The following ASTN2 variants were observed in gnomAD, a reference collection of about 807,000 sequenced individuals.
ASTN2 encodes the protein astrotactin 2.
In ASTN2, 54 loss-of-function variants were observed where a neutral mutation model predicts 139.8. The observed-to-expected ratio is 0.39, with a 90% CI of 0.31 to 0.48. The LOEUF is 0.48. Among genes scored for constraint, ASTN2 ranks in the 20% least tolerant of loss-of-function variants. The pLI is 0.95. For synonymous variants in ASTN2, 756 were observed against 719.5 expected, an observed-to-expected ratio of 1.05 and a Z score of -0.81; for missense variants, 1,565 against 1,725.1, an observed-to-expected ratio of 0.91 and a Z score of 1.64.
intron 3 of ASTN2, among the ~76,000 whole-genome samples, chr9:117,148,363 T>C (rs1279309800): frequency 6.6e-6 from 1 of 152,040 alleles, no homozygotes; most frequent in Non-Finnish European, 1.5e-5. Context: ...CAAGAAAGAG[T>C]AGTCATTACT....
rs74416447 is a variant in ASTN2 at position 117,329,293 on chromosome 9, T to C, written c.443-37780A>G. Among the ~76,000 whole-genome samples the C allele has an allele frequency of 9.6e-3, 1,451 of 150,810 alleles. 24 individuals carry two copies. Among genetic ancestry groups the C allele is most frequent in the African/African-American group, 0.034 (1,379 of 41,032 alleles). On this transcript the variant is annotated intron_variant, in intron 1 of 22. Transcript: ENST00000313400. Reference sequence around the variant, plus strand: ...TTTGAAAACACAGGTATGAGGTAGATACCATTCCTTGTTCCTTGTCCACTT... The same window carrying C: ...TTTGAAAACACAGGTATGAGGTAGACACCATTCCTTGTTCCTTGTCCACTT...
At chr9:117,095,353 C>A (rs1828814503) in intron 5 of ASTN2, among the ~76,000 whole-genome samples, 1 of 152,210 alleles carries the variant, frequency 6.6e-6, no homozygotes, top group Non-Finnish European at 1.5e-5. Context: ...AACGATGGAT[C>A]TTGGCCACAG....
intron 2 of ASTN2, among the ~76,000 whole-genome samples, chr9:117,263,270 C>T (rs1833867520): frequency 6.6e-6 from 1 of 152,054 alleles, no homozygotes; most frequent in African/African-American, 2.4e-5. Context: ...ATGAAACCTA[C>T]CCAGAGGAAA....
At chr9:116,618,679 G>A (rs561527880) in intron 18 of ASTN2, among the ~76,000 whole-genome samples, 13 of 152,162 alleles carry the variant, frequency 8.5e-5, no homozygotes, top group Non-Finnish European at 1.8e-4. Context: ...GAGACAAGGA[G>A]CCACCTTTCA....
rs1216882884 is a variant in ASTN2, at chr9:116,632,150, G to GAGAGAC, written c.3073-11708_3073-11707insGTCTCT. ...AAGAAGAGAGAGAGAGAGAGAGAGA[G>GAGAGAC]AGAGAGACAGAGAGAGAGAGAGAGA... On this transcript the variant is annotated intron_variant, in intron 17 of 22. Transcript: ENST00000313400. Among the ~76,000 whole-genome samples the GAGAGAC allele has an allele frequency of 1.2e-3, 89 of 75,588 alleles. 2 individuals carry two copies. The highest frequency in any genetic ancestry group is 7.9e-4 in the Non-Finnish European group (32 of 40,506). The allele number at this position is 75,588 out of a possible 152,430, so 49.6% of individuals were successfully genotyped here.
Position 116,426,103 on chromosome 9 carries a change from G to A in ASTN2, c.3783-15C>T, listed in dbSNP as rs777284578. 4.3e-6 allele frequency: 7 copies of A among 1,610,702 alleles called. No homozygotes were observed. The South Asian group carries it at 4.4e-5, about 10-fold the overall frequency. ...GGTGGGCCTTCCTGAAAGGTAGGAT[G>A]AGACAGCCATGATTAAAGAAGTCCA... On this transcript the variant is annotated splice_polypyrimidine_tract_variant and intron_variant, in intron 22 of 22. Coordinates refer to ENST00000313400, the MANE Select transcript of ASTN2 (RefSeq NM_001365068.1).
chr9:117,183,192 C>A (rs946902622), intron 3 of ASTN2, among the ~76,000 whole-genome samples: 5 of 152,094 alleles, frequency 3.3e-5, no homozygotes, highest in African/African-American at 1.2e-4. Context: ...TCTCCAGTCT[C>A]AAGTCTGATT....
intron 13 of ASTN2, among the ~76,000 whole-genome samples, chr9:116,768,175 AAG>A (rs1281558126): frequency 1.3e-5 from 2 of 152,188 alleles, no homozygotes; most frequent in Non-Finnish European, 2.9e-5. Context: ...TTCTTTGAAA[AAG>A]AGTTATGTCA....
At chr9:117,317,326 G>A (rs1392374242) in intron 1 of ASTN2, among the ~76,000 whole-genome samples, 1 of 152,088 alleles carries the variant, frequency 6.6e-6, no homozygotes, top group Non-Finnish European at 1.5e-5. Flanking sequence ...AGTCCCAGTG[G>A]TCATCTGTAG....
At position 116,698,925 on chromosome 9, in the gene ASTN2, A is replaced by G; in HGVS notation, c.2806+26846T>C. 5 of 1,614,202 alleles carry G rather than the reference A, an allele frequency of 3.1e-6. No individual in the cohort carries two copies. Among genetic ancestry groups the G allele is most frequent in the Non-Finnish European group, 4.2e-6 (5 of 1,180,044 alleles). On this transcript the variant is annotated intron_variant, in intron 16 of 22. Transcript: ENST00000313400. This position sits in a 1 kb window ranked among gnomAD's most constrained non-coding sequence, Gnocchi z 4.4. ...AGTCGCTGACCGTGGTAACTATCGT[A>G]TACAAGTCTTTACCCGCAAAGGCTT...
chr9:116,473,994 A>T (rs180813150), intron 20 of ASTN2, among the ~76,000 whole-genome samples: 1 of 152,328 alleles, frequency 6.6e-6, no homozygotes, highest in Admixed American at 6.5e-5. Flanking sequence ...GGAGCTCTGC[A>T]TGTGTATTTG....
intron 10 of ASTN2, among the ~76,000 whole-genome samples, chr9:116,877,561 A>T (rs1833335623): frequency 6.6e-6 from 1 of 152,216 alleles, no homozygotes; most frequent in South Asian, 2.1e-4. Flanking sequence ...CAGTAAGATC[A>T]TATGGCAGAG....
At chr9:117,186,901 A>C (rs1831214269) in intron 3 of ASTN2, among the ~76,000 whole-genome samples, 1 of 152,156 alleles carries the variant, frequency 6.6e-6, no homozygotes, top group Non-Finnish European at 1.5e-5. Context: ...GAGGCCAAGG[A>C]GGGCAGATCA....
chr9:116,625,830 AAGG>A (rs1263668207), intron 17 of ASTN2, among the ~76,000 whole-genome samples: 1 of 152,072 alleles, frequency 6.6e-6, no homozygotes, highest in Non-Finnish European at 1.5e-5. Context: ...GAACTCTAGG[AAGG>A]AGGTGTGGAC....
intron 2 of ASTN2, among the ~76,000 whole-genome samples, chr9:117,245,671 T>G (rs1833359195): frequency 6.6e-6 from 1 of 152,178 alleles, no homozygotes; most frequent in Non-Finnish European, 1.5e-5. Context: ...TCTCTTTCCC[T>G]CTATAGTTTT....
chr9:116,441,757 C>T (rs1847845893), intron 21 of ASTN2, among the ~76,000 whole-genome samples: 1 of 152,042 alleles, frequency 6.6e-6, no homozygotes. Context: ...AGTAGACCAC[C>T]AGGACTTATG....
At chr9:117,083,237 C>G (rs144694960) in intron 5 of ASTN2, among the ~76,000 whole-genome samples, 1 of 152,274 alleles carries the variant, frequency 6.6e-6, no homozygotes, top group African/African-American at 2.4e-5. Context: ...AATGAATGAA[C>G]TTGGCATTCA....
At chr9:116,704,695 T>C (rs1188605701) in intron 16 of ASTN2, among the ~76,000 whole-genome samples, 1 of 152,150 alleles carries the variant, frequency 6.6e-6, no homozygotes, top group Admixed American at 6.5e-5. Flanking sequence ...GGCCTCTTAA[T>C]TGAAAAGCCT....
intron 13 of ASTN2, among the ~76,000 whole-genome samples, chr9:116,766,380 T>C (rs1829807886): frequency 6.6e-6 from 1 of 151,784 alleles, no homozygotes; most frequent in South Asian, 2.1e-4. Flanking sequence ...TACATTCACA[T>C]ACATGCCCTC....
Sources: allele counts gnomAD v4.1 joint callset (sites outside exome capture counted in the v4.1 genomes callset), GRCh38; gene constraint gnomAD v4.1.1; non-coding constraint Gnocchi (gnomAD v3.1); transcripts MANE v1.5; gene names NCBI Gene and HGNC (gene_info 2026-07-23, HGNC 2026-07-21).